The following CABIN1 variants were observed in gnomAD, a reference collection of about 807,000 sequenced individuals.
The protein encoded by CABIN1 is calcineurin-binding protein cabin-1.
Under a neutral mutation model 227.7 loss-of-function variants are expected in CABIN1, and 133 were observed. The ratio of observed to expected loss-of-function variants is 0.58; its 90% CI spans 0.51 to 0.67. The LOEUF is 0.67. Among genes scored for constraint, CABIN1 ranks in the 30% least tolerant of loss-of-function variants. CABIN1 has a pLI of 0.00. For synonymous variants in CABIN1, 1,086 were observed against 1,155.1 expected (o/e 0.94, Z 1.21); for missense variants, 2,408 against 2,852.5 (o/e 0.84, Z 3.55).
At chr22:24,130,973 G>A (rs545212411) in intron 28 of CABIN1, among the ~76,000 whole-genome samples, 2 of 152,172 alleles carry the variant, frequency 1.3e-5, no homozygotes, top group Non-Finnish European at 2.9e-5. Flanking sequence ...GCTCCAATCT[G>A]GGGGACAAAC....
At chr22:24,011,863 C>T (rs1018882694) in intron 1 of CABIN1, 1 of 152,252 alleles carries the variant, frequency 6.6e-6, no homozygotes, top group African/African-American at 2.4e-5. Context: ...TTCACTGCCT[C>T]CCCGCAAGAG....
intron 27 of CABIN1, among the ~76,000 whole-genome samples, chr22:24,115,054 T>C (rs927870273): frequency 6.6e-6 from 1 of 152,226 alleles, no homozygotes; most frequent in African/African-American, 2.4e-5. Context: ...GTAGGAAGTT[T>C]GGAATGGGAA....
At chr22:24,023,818 C>G (rs555016793) in intron 1 of CABIN1, among the ~76,000 whole-genome samples, 38 of 151,740 alleles carry the variant, frequency 2.5e-4, no homozygotes, top group African/African-American at 9.2e-4. Context: ...ACTGCAAACT[C>G]TGCCTCCCGG....
chr22:24,054,958 A>G lies in CABIN1; in HGVS notation c.892A>G (p.Ile298Val). 6.2e-7 allele frequency: 1 copy of G among 1,614,170 alleles called. No individual in the cohort carries two copies. Among genetic ancestry groups the G allele is most frequent in the South Asian group, 1.1e-5 (1 of 91,084 alleles). The change falls in exon 9 of 37, where the codon ATT becomes GTT. Residue 298 changes from isoleucine to valine, a missense_variant. Transcript: ENST00000263119. Reference protein sequence around the residue: ...EPPRPSLGKRIDLSDYQDPSQ... With the variant: ...EPPRPSLGKRVDLSDYQDPSQ... ...CCCACGTCCCAGCCTTGGCAAAAGG[A>G]TTGATTTGTCGGACTACCAGGACCC...
chr22:24,110,016 A>G (rs1453377235), intron 26 of CABIN1, among the ~76,000 whole-genome samples: 1 of 152,188 alleles, frequency 6.6e-6, no homozygotes, highest in East Asian at 1.9e-4. Context: ...CTAAAAATAA[A>G]AAAGATTAGC....
Position 24,036,266 on chromosome 22 carries a change from T to C in CABIN1, c.96+85T>C, listed in dbSNP as rs562664218. The C allele has an allele frequency of 1.3e-5, 12 of 953,116 alleles. No individual in the cohort carries two copies. In the East Asian group the frequency reaches 2.7e-4, roughly 21 times the overall value. The allele number at this position is 953,116 out of a possible 1,614,324, so 59.0% of individuals were successfully genotyped here. A position where few individuals can be genotyped will look rare whatever the true frequency, so the allele number is the denominator to read the frequency against. On this transcript the variant is annotated intron_variant, in intron 3 of 36. Coordinates refer to ENST00000263119, the MANE Select transcript of CABIN1 (RefSeq NM_012295.4). Reference sequence around the variant, plus strand: ...ATTTTAAATACATTTAGGCATCTCCTCAGTGGGGCTTTAGGGGGAAATTCC... The same window carrying C: ...ATTTTAAATACATTTAGGCATCTCCCCAGTGGGGCTTTAGGGGGAAATTCC...
chr22:24,092,172 C>T (rs1242019783), intron 24 of CABIN1, among the ~76,000 whole-genome samples: 1 of 152,126 alleles, frequency 6.6e-6, no homozygotes, highest in Non-Finnish European at 1.5e-5. Flanking sequence ...GACATTCACA[C>T]CCTGTAGCCT....
intron 26 of CABIN1, 102 bp downstream of exon 26, chr22:24,098,294 T>G (rs2042014871): frequency 8.0e-6 from 10 of 1,250,844 alleles, no homozygotes; most frequent in Non-Finnish European, 9.1e-6. Context: ...TGAGGGGGGG[T>G]GCTGGGTCTG....
intron 1 of CABIN1, among the ~76,000 whole-genome samples, chr22:24,029,411 G>A (rs2146791781): frequency 6.6e-6 from 1 of 152,264 alleles, no homozygotes; most frequent in South Asian, 2.1e-4. Flanking sequence ...ATTTAGCCAG[G>A]CATGGTGCCA....
chr22:24,091,476 A>G, intron 23 of CABIN1, 107 bp from the exon 24 acceptor site: 1 of 1,333,480 alleles, frequency 7.5e-7, no homozygotes, highest in Non-Finnish European at 1.1e-6. Context: ...GGTTGTTAAG[A>G]GGAGTATAAA....
intron 10 of CABIN1, among the ~76,000 whole-genome samples, chr22:24,057,934 G>A (rs1041040881): frequency 2.0e-5 from 3 of 152,172 alleles, no homozygotes; most frequent in Admixed American, 1.3e-4. Context: ...TTACTCCAAG[G>A]TCTTGTTCCC....
intron 27 of CABIN1, among the ~76,000 whole-genome samples, chr22:24,116,031 A>G (rs1355745394): frequency 6.6e-6 from 1 of 152,204 alleles, no homozygotes; most frequent in East Asian, 1.9e-4. Flanking sequence ...AGCAGGCACA[A>G]GCTGTCACAC....
Position 24,152,677 on chromosome 22 carries a change from C to T in CABIN1, c.4747-11723C>T, listed in dbSNP as rs935231126. Among the ~76,000 whole-genome samples the T allele has an allele frequency of 1.6e-4, 24 of 152,014 alleles. 2 individuals carry two copies. The highest frequency in any genetic ancestry group is 1.4e-3 in the Admixed American group (22 of 15,268). On this transcript the variant is annotated intron_variant, in intron 29 of 36. Coordinates refer to ENST00000263119, the MANE Select transcript of CABIN1 (RefSeq NM_012295.4). ...GCAAGAAAGGAGCCAGGGCCAGGCA[C>T]GGTGGCTCACGCCTGTAATCCCAGC...
chr22:24,157,040 C>T (rs760447662), intron 29 of CABIN1, among the ~76,000 whole-genome samples: 2 of 151,816 alleles, frequency 1.3e-5, no homozygotes, highest in Non-Finnish European at 2.9e-5. Context: ...TCAGTAGCCC[C>T]GCCTGGAGAG....
At chr22:24,111,300 G>C (rs1172382987) in intron 26 of CABIN1, among the ~76,000 whole-genome samples, 1 of 152,206 alleles carries the variant, frequency 6.6e-6, no homozygotes, top group Non-Finnish European at 1.5e-5. Context: ...CCAACCCCCA[G>C]GTCACAGACT....
At chr22:24,016,151 C>T (rs919235747) in intron 1 of CABIN1, among the ~76,000 whole-genome samples, 1 of 152,206 alleles carries the variant, frequency 6.6e-6, no homozygotes, top group Admixed American at 6.5e-5. Context: ...AGTTACTTCC[C>T]ATCCTGTCTT....
chr22:24,120,548 G>T (rs950698027), intron 28 of CABIN1, among the ~76,000 whole-genome samples: 1 of 152,142 alleles, frequency 6.6e-6, no homozygotes, highest in African/African-American at 2.4e-5. Context: ...ATGGCCAGGC[G>T]TGGTGGCTCA....
intron 1 of CABIN1, among the ~76,000 whole-genome samples, chr22:24,017,490 TC>T (rs2035388930): frequency 6.6e-6 from 1 of 152,198 alleles, no homozygotes; most frequent in Non-Finnish European, 1.5e-5. Flanking sequence ...TTCCCATTCT[TC>T]CCTCCCCTAG....
Position 24,177,982 on chromosome 22 carries a change from G to A in CABIN1, c.6520-71G>A. On this transcript the variant is annotated intron_variant, in intron 36 of 36. Coordinates refer to ENST00000263119, the MANE Select transcript of CABIN1 (RefSeq NM_012295.4). The surrounding 1 kb of genome is among the most constrained non-coding windows in gnomAD (Gnocchi z 4.4). Reference sequence around the variant, plus strand: ...TGGGAGGGGGGCCTGGGGCAGGGGTGAAGGTGGCAGAGGGGCTTGGGGCAG... The same window carrying A: ...TGGGAGGGGGGCCTGGGGCAGGGGTAAAGGTGGCAGAGGGGCTTGGGGCAG... 1 of 1,606,576 alleles carries A rather than the reference G, an allele frequency of 6.2e-7. No individual in the cohort carries two copies. Among genetic ancestry groups the A allele is most frequent in the South Asian group, 1.1e-5 (1 of 90,816 alleles).
Sources: allele counts gnomAD v4.1 joint callset (sites outside exome capture counted in the v4.1 genomes callset), GRCh38; gene constraint gnomAD v4.1.1; non-coding constraint Gnocchi (gnomAD v3.1); transcripts MANE v1.5; gene names NCBI Gene and HGNC (gene_info 2026-07-23, HGNC 2026-07-21).